Variants in DOCK2 observed in about 807,000 individuals in gnomAD.
DOCK2 encodes the protein dedicator of cytokinesis protein 2.
Under a neutral mutation model 248.9 loss-of-function variants are expected in DOCK2, and 87 were observed. The observed-to-expected ratio is 0.35, with a 90% confidence interval of 0.29 to 0.42. The LOEUF (loss-of-function observed/expected upper bound fraction) is 0.42. DOCK2 is among the 10% of genes least tolerant of loss of function. DOCK2 has a pLI of 1.00. For missense variants in DOCK2, 1,747 were observed against 2,300.2 expected (o/e 0.76, Z 4.92); for synonymous variants, 805 against 821.6 (o/e 0.98, Z 0.35).
chr5:169,889,949 C>T (rs989420604), intron 27 of DOCK2, among the ~76,000 whole-genome samples: 1 of 152,222 alleles, frequency 6.6e-6, no homozygotes, highest in Non-Finnish European at 1.5e-5. Flanking sequence ...CTTCTCTGAA[C>T]TTAGTAATAA....
intron 27 of DOCK2, among the ~76,000 whole-genome samples, chr5:169,968,231 C>T (rs1474561063): frequency 6.6e-6 from 1 of 152,174 alleles, no homozygotes; most frequent in Non-Finnish European, 1.5e-5. Flanking sequence ...TGGCTCAAGG[C>T]ATTCAGCTAA....
intron 14 of DOCK2, among the ~76,000 whole-genome samples, chr5:169,705,452 G>A (rs987374613): frequency 1.3e-5 from 2 of 152,114 alleles, no homozygotes; most frequent in Non-Finnish European, 2.9e-5. Context: ...TGACCCCTGG[G>A]GCCAGACAGC....
chr5:169,928,999 G>A (rs1178707191), intron 27 of DOCK2, among the ~76,000 whole-genome samples: 1 of 151,980 alleles, frequency 6.6e-6, no homozygotes, highest in Admixed American at 6.6e-5. Context: ...ATGAGGAGGA[G>A]CTATGTGTTC....
chr5:169,928,026 A>AT (rs926247469), intron 27 of DOCK2, among the ~76,000 whole-genome samples: 4 of 152,080 alleles, frequency 2.6e-5, no homozygotes, highest in African/African-American at 4.8e-5. Flanking sequence ...GTGTGTATGC[A>AT]TTTTTTCTTA....
At chr5:169,972,110 A>G (rs1275898608) in intron 27 of DOCK2, among the ~76,000 whole-genome samples, 1 of 152,160 alleles carries the variant, frequency 6.6e-6, no homozygotes, top group African/African-American at 2.4e-5. Context: ...AATAAAATGT[A>G]TTTTCTATTA....
intron 24 of DOCK2, among the ~76,000 whole-genome samples, chr5:169,760,668 C>G (rs901575760): frequency 1.3e-5 from 2 of 152,144 alleles, no homozygotes; most frequent in Non-Finnish European, 2.9e-5. Context: ...CCATTATTCT[C>G]TGACACAGCT....
intron 27 of DOCK2, among the ~76,000 whole-genome samples, chr5:169,894,488 G>T (rs1001829602): frequency 6.6e-6 from 1 of 152,176 alleles, no homozygotes; most frequent in African/African-American, 2.4e-5. Context: ...CAAAGCATTG[G>T]CAGGCAGCTG....
intron 24 of DOCK2, among the ~76,000 whole-genome samples, chr5:169,760,900 A>G (rs1764449256): frequency 6.6e-6 from 1 of 152,238 alleles, no homozygotes; most frequent in Non-Finnish European, 1.5e-5. Context: ...TGGAAAGCCG[A>G]CAAGGACTAT....
At chr5:169,863,289 A>G (rs1281492616) in intron 27 of DOCK2, among the ~76,000 whole-genome samples, 8 of 152,122 alleles carry the variant, frequency 5.3e-5, no homozygotes. Context: ...GTCGATTAAT[A>G]TATGTTTGAA....
At chr5:170,031,118 G>T (rs1756121812) in intron 34 of DOCK2, among the ~76,000 whole-genome samples, 1 of 152,224 alleles carries the variant, frequency 6.6e-6, no homozygotes, top group Non-Finnish European at 1.5e-5. Context: ...CACATTGAAT[G>T]GATTCATAAG....
intron 30 of DOCK2, among the ~76,000 whole-genome samples, chr5:170,007,732 A>G (rs1362121586): frequency 6.6e-6 from 1 of 152,202 alleles, no homozygotes; most frequent in Non-Finnish European, 1.5e-5. Context: ...GGAGTGGGTT[A>G]GCACCAACAG....
chr5:169,962,010 A>G (rs1421968297), intron 27 of DOCK2, among the ~76,000 whole-genome samples: 1 of 150,106 alleles, frequency 6.7e-6, no homozygotes, highest in Non-Finnish European at 1.5e-5. Context: ...GAAAAAGAAT[A>G]GAGGCCAGAA....
intron 27 of DOCK2, among the ~76,000 whole-genome samples, chr5:169,854,163 A>AGGG (rs894814552): frequency 2.0e-5 from 3 of 151,048 alleles, no homozygotes; most frequent in African/African-American, 7.3e-5. Flanking sequence ...ATAGGAATTA[A>AGGG]GGGGACAGTC....
chr5:169,702,693 GTATGTATTTATTTATT>G (rs989432587), intron 14 of DOCK2: 5 of 237,228 alleles, frequency 2.1e-5, no homozygotes, highest in African/African-American at 7.5e-5. Flanking sequence ...ATGTATGTAT[GTATGTATTTATTTATT>G]TATTTACTTT....
chr5:169,689,222 A>G (rs781232262), intron 8 of DOCK2, 30 bp from the exon 9 acceptor site: 2 of 1,611,168 alleles, frequency 1.2e-6, no homozygotes, highest in Non-Finnish European at 1.7e-6. Flanking sequence ...GTCCCTTGGC[A>G]GTAACGGGCT....
chr5:170,082,343 G>A (rs945855119), intron 51 of DOCK2, among the ~76,000 whole-genome samples: 4 of 152,160 alleles, frequency 2.6e-5, no homozygotes, highest in East Asian at 1.9e-4. Flanking sequence ...TCCAAGCGCT[G>A]ATTCTGCAAG....
At chr5:169,937,847 C>A (rs1776064837) in intron 27 of DOCK2, among the ~76,000 whole-genome samples, 3 of 152,186 alleles carry the variant, frequency 2.0e-5, no homozygotes, top group Admixed American at 6.5e-5. Flanking sequence ...ACACTGAAAT[C>A]AAATATTTCT....
chr5:169,819,275 A>C (rs1768266344), intron 26 of DOCK2, among the ~76,000 whole-genome samples: 1 of 152,166 alleles, frequency 6.6e-6, no homozygotes, highest in Non-Finnish European at 1.5e-5. Flanking sequence ...ACGCCATTGC[A>C]CTCCAGCCTG....
rs781514121 is a variant in DOCK2 at position 169,803,119 on chromosome 5, G to A, written c.2616G>A (p.Lys872=). The change falls in exon 26 of 52, where the codon AAG becomes AAA. Residue 872 remains lysine (K), a synonymous_variant. Transcript: ENST00000520908. ...AGCTGAAGGAGCTGCTGGAGCAGAAGGATGACATGCAACACCAGGTCCTGG... is the reference window on the plus strand; with the variant it reads ...AGCTGAAGGAGCTGCTGGAGCAGAAAGATGACATGCAACACCAGGTCCTGG... ...TKELKELLEQ[K]DDMQHQVLER... is the part of the protein sequence containing the mutation. 34 of 1,614,068 alleles carry A rather than the reference G, an allele frequency of 2.1e-5. No homozygotes were observed. The highest frequency in any genetic ancestry group is 2.5e-5 in the Non-Finnish European group (30 of 1,180,036).
Sources: allele counts gnomAD v4.1 joint callset (sites outside exome capture counted in the v4.1 genomes callset), GRCh38; gene constraint gnomAD v4.1.1; transcripts MANE v1.5; gene names NCBI Gene and HGNC (gene_info 2026-07-23, HGNC 2026-07-21).